PDE11A: variants seen among roughly 807,000 people sequenced by gnomAD.
PDE11A encodes dual 3',5'-cyclic-AMP and -GMP phosphodiesterase 11A.
PDE11A carries 100 observed loss-of-function variants against 100.5 expected under a neutral mutation model. The observed-to-expected ratio is 1.00, with a 90% confidence interval of 0.85 to 1.18. The LOEUF is 1.18. Among genes scored for constraint, PDE11A ranks in the 50% most tolerant of loss-of-function variants. PDE11A has a pLI of 0.00. For synonymous variants in PDE11A, 381 were observed against 420.8 expected, an observed-to-expected ratio of 0.91 and a Z score of 1.16; for missense variants, 1,141 against 1,152.6, an observed-to-expected ratio of 0.99 and a Z score of 0.15.
intron 9 of PDE11A, among the ~76,000 whole-genome samples, chr2:177,776,100 AT>A (rs34330915): frequency 6.6e-6 from 1 of 152,158 alleles, no homozygotes; most frequent in Admixed American, 6.5e-5. Flanking sequence ...GAATTAGTGT[AT>A]TTTTTTCAAT....
intron 2 of PDE11A, among the ~76,000 whole-genome samples, chr2:177,950,772 G>A (rs765553776): frequency 2.0e-5 from 3 of 152,174 alleles, no homozygotes; most frequent in Non-Finnish European, 4.4e-5. Context: ...TTAGCCGAGC[G>A]CCATGGCAGG....
At chr2:177,718,156 T>C (rs552492067) in intron 12 of PDE11A, among the ~76,000 whole-genome samples, 1 of 152,354 alleles carries the variant, frequency 6.6e-6, no homozygotes, top group South Asian at 2.1e-4. Context: ...ATGCCGGGCA[T>C]TTTCCTAAAT....
chr2:177,873,649 C>G (rs1213772506), intron 5 of PDE11A, among the ~76,000 whole-genome samples: 2 of 152,040 alleles, frequency 1.3e-5, no homozygotes, highest in East Asian at 3.9e-4. Context: ...CCATCACAAC[C>G]CTCTACCCCT....
At chr2:177,643,212 A>G (rs2080171053) in intron 19 of PDE11A, among the ~76,000 whole-genome samples, 1 of 152,202 alleles carries the variant, frequency 6.6e-6, no homozygotes, top group Admixed American at 6.5e-5. Flanking sequence ...AGATTTTGGA[A>G]CAATTTGGAG....
chr2:177,782,045 C>T (rs1385210613), intron 9 of PDE11A, among the ~76,000 whole-genome samples: 1 of 152,124 alleles, frequency 6.6e-6, no homozygotes, highest in Admixed American at 6.5e-5. Context: ...TAAATGCAAG[C>T]CATTAAGATG....
intron 2 of PDE11A, among the ~76,000 whole-genome samples, chr2:177,928,911 T>G (rs1472817524): frequency 6.6e-6 from 1 of 152,094 alleles, no homozygotes; most frequent in Non-Finnish European, 1.5e-5. Flanking sequence ...TACATAATCT[T>G]GAAGTTAGGT....
rs1005811314 is a variant in PDE11A, at chr2:177,876,856, T to C, written c.1303-933A>G. Among the ~76,000 whole-genome samples the C allele has an allele frequency of 1.4e-4, 20 of 148,124 alleles. 2 individuals carry two copies. Among genetic ancestry groups the C allele is most frequent in the African/African-American group, 5.2e-4 (20 of 38,826 alleles). ...GACGGAAACCTTTCCTTCTACCCTCTGAAGGTTTGCTGAAATAAACTGACA... is the reference window on the plus strand; with the variant it reads ...GACGGAAACCTTTCCTTCTACCCTCCGAAGGTTTGCTGAAATAAACTGACA... On this transcript the variant is annotated intron_variant, in intron 4 of 19. Coordinates refer to ENST00000286063, the MANE Select transcript of PDE11A (RefSeq NM_016953.4).
chr2:177,853,331 C>A lies in PDE11A; in HGVS notation c.1368-12948G>T, dbSNP rs190603605. On this transcript the variant is annotated intron_variant, in intron 5 of 19. Transcript: ENST00000286063. ...GCGCATAGAAGGCTCTCAATAAATACCGGCTCTTTATATCACAAAGATTTT... is the reference window on the plus strand; with the variant it reads ...GCGCATAGAAGGCTCTCAATAAATAACGGCTCTTTATATCACAAAGATTTT... Among the ~76,000 whole-genome samples, 35 of 151,960 alleles carry A rather than the reference C, an allele frequency of 2.3e-4. No homozygotes were observed. The East Asian group carries it at 6.2e-3, about 27-fold the overall frequency.
intron 5 of PDE11A, among the ~76,000 whole-genome samples, chr2:177,845,194 CG>C (rs1558968598): frequency 6.7e-6 from 1 of 150,136 alleles, no homozygotes; most frequent in African/African-American, 2.5e-5. Flanking sequence ...CCCTCCCGGA[CG>C]GGGTGGCTGC....
intron 2 of PDE11A, among the ~76,000 whole-genome samples, chr2:178,087,351 C>T (rs1223902553): frequency 6.9e-6 from 1 of 145,250 alleles, no homozygotes; most frequent in East Asian, 2.0e-4. Flanking sequence ...AAGACTCCAA[C>T]TCAAAAAAAA....
chr2:177,921,473 A>G lies in PDE11A; in HGVS notation c.1072-16286T>C, dbSNP rs533416332. Reference sequence around the variant, plus strand: ...TTTGCATAATTCTCATCTAAAAGCAAAAAAAAAAAAAGAAAAAAAACATGT... The same window carrying G: ...TTTGCATAATTCTCATCTAAAAGCAGAAAAAAAAAAAGAAAAAAAACATGT... On this transcript the variant is annotated intron_variant, in intron 2 of 19. Coordinates refer to ENST00000286063, the MANE Select transcript of PDE11A (RefSeq NM_016953.4). 5.0e-3 allele frequency among the ~76,000 whole-genome samples: 641 copies of G among 127,534 alleles called. 9 individuals carry two copies. The highest frequency in any genetic ancestry group is 0.017 in the African/African-American group (600 of 35,750). 83.7% of individuals were successfully genotyped at this position (127,534 alleles called of 152,430 possible).
intron 4 of PDE11A, among the ~76,000 whole-genome samples, chr2:177,893,975 T>C (rs2084571300): frequency 6.6e-6 from 1 of 152,210 alleles, no homozygotes; most frequent in Non-Finnish European, 1.5e-5. Context: ...TTCTTGCTAA[T>C]CTTCTAACTT....
At chr2:177,779,941 A>G (rs2082431513) in intron 9 of PDE11A, among the ~76,000 whole-genome samples, 1 of 152,256 alleles carries the variant, frequency 6.6e-6, no homozygotes, top group Non-Finnish European at 1.5e-5. Context: ...ACAGCCTTAC[A>G]AAATGTATTT....
intron 2 of PDE11A, among the ~76,000 whole-genome samples, chr2:178,000,874 T>C (rs1353224429): frequency 1.3e-5 from 2 of 152,176 alleles, no homozygotes; most frequent in Non-Finnish European, 2.9e-5. Context: ...TAACCATCTA[T>C]ACATGTATAT....
chr2:177,819,119 T>C (rs1428489726), intron 7 of PDE11A, among the ~76,000 whole-genome samples: 6 of 152,078 alleles, frequency 3.9e-5, no homozygotes, highest in Admixed American at 3.9e-4. Context: ...TTATGGACTT[T>C]CCCTTTAAAC....
intron 1 of PDE11A, among the ~76,000 whole-genome samples, chr2:178,058,727 G>A: frequency 6.6e-6 from 1 of 152,128 alleles, no homozygotes; most frequent in East Asian, 1.9e-4. Flanking sequence ...ACAAAGCCAA[G>A]AAAATCATAG....
chr2:178,097,229 C>T (rs924381066), intron 2 of PDE11A, among the ~76,000 whole-genome samples: 1 of 152,116 alleles, frequency 6.6e-6, no homozygotes, highest in African/African-American at 2.4e-5. Context: ...GTGCCCCAAA[C>T]CCCTGGTACC....
chr2:177,917,360 T>C (rs2084969455), intron 2 of PDE11A, among the ~76,000 whole-genome samples: 2 of 152,188 alleles, frequency 1.3e-5, no homozygotes, highest in Admixed American at 6.5e-5. Context: ...TCTCTGGTAA[T>C]AGTTCCCAGA....
In PDE11A at chr2:178,023,526, T is replaced by C. The variant is rs190043441; in HGVS notation, c.913-9066A>G. On this transcript the variant is annotated intron_variant, in intron 1 of 19. Coordinates refer to ENST00000286063, the MANE Select transcript of PDE11A (RefSeq NM_016953.4). The stretch of plus-strand genomic sequence containing the variant: ...TAAGGACTCTATCCCCAATACTTTA[T>C]AGTAAAATTTTCCAGTACTCATGAT... Among the ~76,000 whole-genome samples the C allele has an allele frequency of 1.9e-4, 29 of 152,328 alleles. No homozygotes were observed. The East Asian group carries it at 5.2e-3, about 27-fold the overall frequency.
Sources: gnomAD v4.1 joint callset for allele counts (sites outside exome capture counted in the v4.1 genomes callset) on GRCh38, gnomAD v4.1.1 for gene constraint, MANE v1.5 for transcripts, NCBI Gene and HGNC (gene_info 2026-07-23, HGNC 2026-07-21) for gene names.